The following LRRC9 variants were observed in gnomAD, a reference collection of about 807,000 sequenced individuals.
The protein encoded by LRRC9 is leucine-rich repeat-containing protein 9.
LRRC9 carries 122 observed loss-of-function variants against 63.2 expected under a neutral mutation model. That is an observed-to-expected ratio of 1.93 (90% CI 1.67 to 2.24). LRRC9 has a LOEUF of 2.24. Among genes scored for constraint, LRRC9 ranks in the 30% most tolerant of loss-of-function variants. The pLI is 0.00. For missense variants in LRRC9, 1,071 were observed against 627.7 expected (o/e 1.71, Z -7.55); for synonymous variants, 366 against 213.1 (o/e 1.72, Z -6.25).
chr14:59,987,179 C>G lies in LRRC9; in HGVS notation c.2211+1955C>G, dbSNP rs112764026. 2.8e-3 allele frequency among the ~76,000 whole-genome samples: 421 copies of G among 152,142 alleles called. 3 individuals are homozygous for G. The highest frequency in any genetic ancestry group is 9.7e-3 in the African/African-American group (403 of 41,528). On this transcript the variant is annotated intron_variant, in intron 17 of 31. Transcript: ENST00000445360. ...TGTGCCCCATGCCTTCCTCTCTCCA[C>G]AAGAAATCATTATCCTAACCTCTGC...
At chr14:59,935,279 G>A (rs371439239) in intron 6 of LRRC9, among the ~76,000 whole-genome samples, 7 of 144,432 alleles carry the variant, frequency 4.8e-5, no homozygotes, top group African/African-American at 1.8e-4. Flanking sequence ...GGGTAACAGA[G>A]TGAGACTAGG....
At chr14:60,005,922 A>T (rs2140226341) in intron 21 of LRRC9, among the ~76,000 whole-genome samples, 1 of 152,180 alleles carries the variant, frequency 6.6e-6, no homozygotes, top group South Asian at 2.1e-4. Context: ...ATCTTAGAGT[A>T]CTTTTAGGCA....
At chr14:59,985,997 T>A (rs1887434337) in intron 17 of LRRC9, among the ~76,000 whole-genome samples, 1 of 152,168 alleles carries the variant, frequency 6.6e-6, no homozygotes, top group South Asian at 2.1e-4. Flanking sequence ...CCCTATTTCT[T>A]TTTCATTTTG....
At chr14:60,007,705 T>C (rs1195817504) in intron 22 of LRRC9, among the ~76,000 whole-genome samples, 1 of 152,194 alleles carries the variant, frequency 6.6e-6, no homozygotes, top group Non-Finnish European at 1.5e-5. Context: ...AAAGGGATTC[T>C]GATTATATAA....
chr14:60,053,496 A>G lies in LRRC9; in HGVS notation c.4131+291A>G, dbSNP rs1894054667. Among the ~76,000 whole-genome samples the G allele has an allele frequency of 6.6e-6, 1 of 152,282 alleles. No individual in the cohort carries two copies. Among genetic ancestry groups the G allele is most frequent in the Non-Finnish European group, 1.5e-5 (1 of 68,024 alleles). On this transcript the variant is annotated intron_variant, in intron 30 of 31. Coordinates refer to ENST00000445360, the Ensembl canonical transcript of LRRC9. The surrounding 1 kb of genome is among the most constrained non-coding windows in gnomAD (Gnocchi z 4.8). ...TCTGACATAAGGAAAGTTATTTAAT[A>G]TTTGTATGCTCAATATGTCAGATGA...
chr14:59,975,447 G>C (rs1886168257), intron 13 of LRRC9, among the ~76,000 whole-genome samples: 1 of 151,758 alleles, frequency 6.6e-6, no homozygotes, highest in Non-Finnish European at 1.5e-5. Context: ...TTTGCAGCTT[G>C]AATATGTAGA....
At chr14:60,048,338 A>C (rs1310107239) in intron 29 of LRRC9, among the ~76,000 whole-genome samples, 2 of 152,154 alleles carry the variant, frequency 1.3e-5, no homozygotes, top group African/African-American at 4.8e-5. Context: ...TCAAAAAATC[A>C]ACAACTCCAG....
intron 15 of LRRC9, among the ~76,000 whole-genome samples, chr14:59,979,841 T>G (rs976869094): frequency 6.8e-6 from 1 of 147,222 alleles, no homozygotes; most frequent in East Asian, 2.1e-4. Flanking sequence ...GGGGAAGGGA[T>G]AGCATTAGGA....
chr14:60,027,871 T>G lies in LRRC9; in HGVS notation c.3704-13T>G, dbSNP rs1028914136. 1.4e-6 allele frequency: 1 copy of G among 691,138 alleles called. No homozygotes were observed. Among genetic ancestry groups the G allele is most frequent in the Non-Finnish European group, 2.6e-6 (1 of 379,480 alleles). 42.8% of individuals were successfully genotyped at this position (691,138 alleles called of 1,614,324 possible). On this transcript the variant is annotated splice_polypyrimidine_tract_variant and intron_variant, in intron 27 of 31. Transcript: ENST00000445360. The surrounding 1 kb of genome is among the most constrained non-coding windows in gnomAD (Gnocchi z 4.0). ...TGGGCTCACTTGATATATCATGACT[T>G]ATCTCTTTTTAGGTAATGAAATCAG...
At chr14:59,976,897 A>C (rs1262824911) in intron 13 of LRRC9, among the ~76,000 whole-genome samples, 2 of 152,226 alleles carry the variant, frequency 1.3e-5, no homozygotes, top group African/African-American at 4.8e-5. Context: ...ACTTTTACCC[A>C]GTTAACAACA....
intron 17 of LRRC9, among the ~76,000 whole-genome samples, chr14:59,985,434 A>G (rs219343): frequency 0.75 from 113,899 of 152,188 alleles, 44,770 homozygotes; most frequent in Non-Finnish European, 0.87. Flanking sequence ...TCATTACACA[A>G]TTATATCAAA....
chr14:59,961,033 G>C, exon 10 of LRRC9: 6 of 680,596 alleles, frequency 8.8e-6, no homozygotes, highest in Middle Eastern at 4.7e-4. Flanking sequence ...GAAGGCACTC[G>C]ATCTGATGAC....
chr14:59,946,688 G>C (rs1270363710), intron 8 of LRRC9, among the ~76,000 whole-genome samples: 1 of 139,834 alleles, frequency 7.2e-6, no homozygotes, highest in South Asian at 2.4e-4. Context: ...CCCAGAGTGT[G>C]ATATTCCCCT....
At chr14:59,928,923 C>T (rs1889444932) in intron 3 of LRRC9, among the ~76,000 whole-genome samples, 1 of 151,938 alleles carries the variant, frequency 6.6e-6, no homozygotes, top group Non-Finnish European at 1.5e-5. Context: ...CAAAATTAAA[C>T]TCAAGATGAA....
chr14:59,934,728 T>C (rs763406372), intron 6 of LRRC9, among the ~76,000 whole-genome samples: 12 of 152,144 alleles, frequency 7.9e-5, no homozygotes, highest in Non-Finnish European at 1.6e-4. Context: ...CTACACTAAA[T>C]CTTTAAATCA....
chr14:60,012,263 G>A (rs991757991), intron 23 of LRRC9, among the ~76,000 whole-genome samples: 3 of 152,100 alleles, frequency 2.0e-5, no homozygotes, highest in African/African-American at 7.2e-5. Context: ...CAAGTTATGT[G>A]ACTCTTTAAT....
chr14:60,057,183 A>G (rs457527), intron 30 of LRRC9, among the ~76,000 whole-genome samples: 152,142 of 152,270 alleles, frequency 1, 76,007 homozygotes, highest in Middle Eastern at 1. Context: ...GAATTCACAC[A>G]TATAAACAAG....
At chr14:60,057,677 A>C in intron 30 of LRRC9, 1 of 376,822 alleles carries the variant, frequency 2.7e-6, no homozygotes, top group East Asian at 3.8e-5. Flanking sequence ...AAAGAACACA[A>C]GGTTCTGAGG....
intron 29 of LRRC9, among the ~76,000 whole-genome samples, chr14:60,044,769 G>C (rs1396074146): frequency 6.6e-6 from 1 of 152,112 alleles, no homozygotes; most frequent in East Asian, 1.9e-4. Flanking sequence ...TGAAGCAGTT[G>C]GGTGAAATGT....
Sources: gnomAD v4.1 joint callset for allele counts (sites outside exome capture counted in the v4.1 genomes callset) on GRCh38, gnomAD v4.1.1 for gene constraint, Gnocchi (gnomAD v3.1) non-coding constraint, MANE v1.5 for transcripts, NCBI Gene and HGNC (gene_info 2026-07-23, HGNC 2026-07-21) for gene names.